Variants in SYNE1 observed in about 807,000 individuals in gnomAD.
The protein encoded by SYNE1 is nesprin-1.
In SYNE1, 616 loss-of-function variants were observed where a neutral mutation model predicts 1,111.0. That is an observed-to-expected ratio of 0.55 (90% CI 0.52 to 0.59). The LOEUF is 0.59. SYNE1 is among the 20% of genes least tolerant of loss of function. The probability of loss-of-function intolerance (pLI) is 0.00; values close to 1 mark genes in which losing one functional copy is unlikely to be tolerated. For missense variants in SYNE1, 10,006 were observed against 10,417.0 expected (o/e 0.96, Z 1.72); for synonymous variants, 3,855 against 3,825.8 (o/e 1.01, Z -0.28).
chr6:152,246,269 A>C (rs1009013012), intron 105 of SYNE1, among the ~76,000 whole-genome samples: 1 of 152,180 alleles, frequency 6.6e-6, no homozygotes, highest in Non-Finnish European at 1.5e-5. Flanking sequence ...AAAGATGGGG[A>C]CTAACAGAAG....
chr6:152,161,725 T>G (rs2062544982), intron 131 of SYNE1, among the ~76,000 whole-genome samples: 1 of 152,168 alleles, frequency 6.6e-6, no homozygotes, highest in Non-Finnish European at 1.5e-5. Flanking sequence ...AAGCTGTGTA[T>G]GCACCTAAAG....
chr6:152,496,954 C>G (rs533599960), intron 11 of SYNE1, among the ~76,000 whole-genome samples: 22 of 152,038 alleles, frequency 1.4e-4, no homozygotes, highest in African/African-American at 5.3e-4. Context: ...AGCTCCCCAC[C>G]GAGCACCTTG....
intron 87 of SYNE1, among the ~76,000 whole-genome samples, chr6:152,311,940 C>G (rs1462375679): frequency 2.0e-5 from 3 of 151,462 alleles, no homozygotes; most frequent in African/African-American, 7.2e-5. Context: ...CCCGCCACCA[C>G]GCCTGGCTAA....
At chr6:152,205,818 A>G (rs2076400157) in intron 126 of SYNE1, among the ~76,000 whole-genome samples, 1 of 152,222 alleles carries the variant, frequency 6.6e-6, no homozygotes. Context: ...ACCACTTTAG[A>G]GTCTCAGATT....
At chr6:152,215,162 T>TCGGTC (rs1554576665) in intron 121 of SYNE1, 102 bp from the exon 122 acceptor site, 3 of 1,361,402 alleles carry the variant, frequency 2.2e-6, no homozygotes, top group Non-Finnish European at 3.1e-6. Context: ...TAGCTGGTCT[T>TCGGTC]CGGTCTAGTG....
At chr6:152,443,265 T>A (rs1024442048) in intron 30 of SYNE1, among the ~76,000 whole-genome samples, 4 of 152,172 alleles carry the variant, frequency 2.6e-5, no homozygotes, top group Non-Finnish European at 4.4e-5. Flanking sequence ...TATTAATTTT[T>A]TATACTCAGC....
intron 3 of SYNE1, among the ~76,000 whole-genome samples, chr6:152,559,865 C>G (rs1564848238): frequency 6.6e-6 from 1 of 151,910 alleles, no homozygotes; most frequent in Non-Finnish European, 1.5e-5. Flanking sequence ...AAGATAAACA[C>G]AATTACAAAC....
At position 152,416,495 on chromosome 6, in the gene SYNE1, T is replaced by G; in HGVS notation, c.5942A>C (p.Lys1981Thr). The G allele has an allele frequency of 6.2e-7, 1 of 1,614,098 alleles. No individual in the cohort carries two copies. Among genetic ancestry groups the G allele is most frequent in the Non-Finnish European group, 8.5e-7 (1 of 1,180,020 alleles). Residue 1981 changes from lysine (K) to threonine (T), a missense_variant, in exon 41 of 146, where the codon AAA (lysine) becomes ACA (threonine). Coordinates refer to ENST00000367255, the MANE Select transcript of SYNE1 (RefSeq NM_182961.4). ...CTCCTCTTTCTGGTCTTGGAATGCT[T>G]TTTTCAACACTGCCAGAGCATCTGC... is the stretch of plus-strand genomic sequence containing the variant. ...SEADALAVLK[K>T]AFQDQKEELL... is the part of the protein sequence containing the mutation.
rs1302145039 is a variant in SYNE1, at chr6:152,321,371, G to C, written c.16103C>G (p.Thr5368Arg). ...TTTTTCAATGTTCTGTCGGTGATTT[G>C]TGGCTTCTGTTAGGAGAATCTGAAG... Reference protein sequence around the residue: ...EELQILLTEATNHRQNIEKMA... With the variant: ...EELQILLTEARNHRQNIEKMA... The change falls in exon 84 of 146, where the codon ACA (threonine) becomes AGA (arginine). Residue 5368 changes from threonine to arginine, a missense_variant. Around this residue, in one of 7 missense-constraint regions of SYNE1, gnomAD observed 4,955 missense variants for 5,017.2 expected, o/e 0.99. Transcript: ENST00000367255. 1 of 1,613,718 alleles carries C rather than the reference G, an allele frequency of 6.2e-7. No homozygotes were observed. The highest frequency in any genetic ancestry group is 1.7e-5 in the Admixed American group (1 of 59,998).
chr6:152,342,683 C>T (rs373105617), intron 74 of SYNE1, among the ~76,000 whole-genome samples: 1 of 152,174 alleles, frequency 6.6e-6, no homozygotes, highest in Non-Finnish European at 1.5e-5. Flanking sequence ...ACCTTTATAA[C>T]TAAATTCCTC....
intron 70 of SYNE1, 104 bp downstream of exon 70, chr6:152,351,923 G>A (rs2096747959): frequency 3.0e-6 from 3 of 1,015,380 alleles, no homozygotes; most frequent in South Asian, 2.6e-5. Context: ...CATGCGGGAT[G>A]CATTCCAGCA....
intron 145 of SYNE1, among the ~76,000 whole-genome samples, chr6:152,123,538 A>C (rs750923461): frequency 3.3e-5 from 5 of 152,212 alleles, no homozygotes; most frequent in Non-Finnish European, 5.9e-5. Context: ...TGCCTGGAAA[A>C]TACAGAATCT....
At chr6:152,462,629 A>G in intron 20 of SYNE1, 109 bp downstream of exon 20, 1 of 1,340,458 alleles carries the variant, frequency 7.5e-7, no homozygotes, top group Admixed American at 1.7e-5. Flanking sequence ...ACATGTCAAA[A>G]TGATGCCCAG....
chr6:152,313,656 G>T (rs2095623031), intron 87 of SYNE1, among the ~76,000 whole-genome samples: 1 of 151,906 alleles, frequency 6.6e-6, no homozygotes, highest in South Asian at 2.1e-4. Flanking sequence ...AGAGAATGGG[G>T]TTTCACTATG....
intron 3 of SYNE1, among the ~76,000 whole-genome samples, chr6:152,571,308 T>C (rs1006418170): frequency 1.3e-5 from 2 of 152,166 alleles, no homozygotes; most frequent in Non-Finnish European, 2.9e-5. Context: ...CAATGATCTC[T>C]AGCTGAGAAC....
At chr6:152,410,649 T>A (rs2098016472) in intron 42 of SYNE1, among the ~76,000 whole-genome samples, 1 of 152,156 alleles carries the variant, frequency 6.6e-6, no homozygotes, top group Non-Finnish European at 1.5e-5. Context: ...GAGAAAGGCT[T>A]GAACTCGGGT....
rs544757911 is a variant in SYNE1 at position 152,256,915 on chromosome 6, C to A, written c.18973-150G>T. 6 of 1,253,960 alleles carry A rather than the reference C, an allele frequency of 4.8e-6. 1 individual carries two copies. The South Asian group carries it at 7.4e-5, about 15-fold the overall frequency. The allele number at this position is 1,253,960 out of a possible 1,614,324, so 77.7% of individuals were successfully genotyped here. A position where few individuals can be genotyped will look rare whatever the true frequency, so the allele number is the denominator to read the frequency against. On this transcript the variant is annotated intron_variant, in intron 101 of 145. Coordinates refer to ENST00000367255, the MANE Select transcript of SYNE1 (RefSeq NM_182961.4). Reference sequence around the variant, plus strand: ...TATAACTTCTACAACATACCATGTCCACTGAACACAGTGGCCAGATGCATC... The same window carrying A: ...TATAACTTCTACAACATACCATGTCAACTGAACACAGTGGCCAGATGCATC...
At chr6:152,512,040 G>A (rs547165881) in intron 6 of SYNE1, among the ~76,000 whole-genome samples, 5 of 152,204 alleles carry the variant, frequency 3.3e-5, no homozygotes, top group African/African-American at 1.2e-4. Context: ...TCTCAGCCAA[G>A]ATTTCATGAA....
At chr6:152,526,304 T>C in intron 4 of SYNE1, 129 bp from the exon 5 acceptor site, 1 of 912,416 alleles carries the variant, frequency 1.1e-6, no homozygotes, top group East Asian at 2.6e-5. Context: ...TTTAATTCTT[T>C]ATTTTGGATT....
Sources: allele counts gnomAD v4.1 joint callset (sites outside exome capture counted in the v4.1 genomes callset), GRCh38; gene constraint gnomAD v4.1.1; regional missense constraint gnomAD v4.1.1; transcripts MANE v1.5; gene names NCBI Gene and HGNC (gene_info 2026-07-23, HGNC 2026-07-21).